Variants in MACROD2 observed in about 807,000 individuals in gnomAD.
MACROD2 encodes mono-ADP ribosylhydrolase 2.
MACROD2 carries 36 observed loss-of-function variants against 70.4 expected under a neutral mutation model. The ratio of observed to expected loss-of-function variants is 0.51; its 90% CI spans 0.39 to 0.68. The LOEUF (loss-of-function observed/expected upper bound fraction) is 0.68. Ranked by LOEUF, MACROD2 falls within the 30% of genes least tolerant of loss-of-function variation. The pLI is 0.00. For synonymous variants in MACROD2, 172 were observed against 178.8 expected, an observed-to-expected ratio of 0.96 and a Z score of 0.30; for missense variants, 496 against 538.4, an observed-to-expected ratio of 0.92 and a Z score of 0.78.
chr20:15,588,476 A>G (rs530496659), intron 8 of MACROD2, among the ~76,000 whole-genome samples: 4 of 151,864 alleles, frequency 2.6e-5, no homozygotes, highest in Admixed American at 6.6e-5. Flanking sequence ...TTTCTCCTCA[A>G]AAAAAATGGG....
intron 8 of MACROD2, among the ~76,000 whole-genome samples, chr20:15,758,539 CTTT>C (rs11337973): frequency 2.8e-5 from 4 of 140,942 alleles, no homozygotes; most frequent in Admixed American, 7.1e-5. Flanking sequence ...TGCACCCAGT[CTTT>C]TTTTTTTTTT....
At chr20:15,838,634 C>T (rs2064138897) in intron 8 of MACROD2, among the ~76,000 whole-genome samples, 1 of 152,166 alleles carries the variant, frequency 6.6e-6, no homozygotes, top group African/African-American at 2.4e-5. Flanking sequence ...TGCTACATCA[C>T]AATGACTGTG....
At chr20:14,907,103 C>G (rs2073968092) in intron 5 of MACROD2, among the ~76,000 whole-genome samples, 1 of 152,176 alleles carries the variant, frequency 6.6e-6, no homozygotes. Flanking sequence ...TGTGCCATGT[C>G]AGCTTACCAT....
At chr20:15,294,048 G>C (rs1189884047) in intron 6 of MACROD2, among the ~76,000 whole-genome samples, 1 of 151,200 alleles carries the variant, frequency 6.6e-6, no homozygotes, top group Admixed American at 6.6e-5. Flanking sequence ...TTGAACACAG[G>C]AGGTGGAGGT....
chr20:14,623,159 G>A (rs1217728904), intron 4 of MACROD2: 1 of 152,108 alleles, frequency 6.6e-6, no homozygotes, highest in Non-Finnish European at 1.5e-5. Flanking sequence ...TGAGACCTGT[G>A]TTACAACTGA....
intron 4 of MACROD2, among the ~76,000 whole-genome samples, chr20:14,649,069 C>T (rs576958651): frequency 6.6e-6 from 1 of 152,316 alleles, no homozygotes; most frequent in South Asian, 2.1e-4. Flanking sequence ...GAGGTCCACA[C>T]TCCTTCACTT....
chr20:15,499,864 A>C lies in MACROD2; in HGVS notation c.645+17A>C. 2 of 1,609,226 alleles carry C rather than the reference A, an allele frequency of 1.2e-6. No individual in the cohort carries two copies. On this transcript the variant is annotated intron_variant, in intron 8 of 17. Coordinates refer to ENST00000684519, the MANE Select transcript of MACROD2 (RefSeq NM_001351661.2). The stretch of plus-strand genomic sequence containing the variant: ...CACCATGAGGTAGGAGGAACGACAT[A>C]ATCAGTGAACATCCAAGATGATGTA...
intron 8 of MACROD2, among the ~76,000 whole-genome samples, chr20:15,504,475 A>T (rs1438669668): frequency 5.3e-5 from 8 of 152,262 alleles, no homozygotes; most frequent in Admixed American, 5.2e-4. Flanking sequence ...TCTTAAAAAA[A>T]CAAAAAAGAA....
chr20:15,603,868 T>G (rs1034022950), intron 8 of MACROD2, among the ~76,000 whole-genome samples: 1 of 151,978 alleles, frequency 6.6e-6, no homozygotes, highest in African/African-American at 2.4e-5. Flanking sequence ...CTGGAAAGAG[T>G]GTCTTTAATT....
At chr20:15,203,479 A>T (rs901270083) in intron 5 of MACROD2, among the ~76,000 whole-genome samples, 1 of 152,128 alleles carries the variant, frequency 6.6e-6, no homozygotes, top group African/African-American at 2.4e-5. Context: ...TTCACATCAG[A>T]TGATAAATTG....
At chr20:14,913,356 G>T (rs1322669868) in intron 5 of MACROD2, among the ~76,000 whole-genome samples, 3 of 151,860 alleles carry the variant, frequency 2.0e-5, no homozygotes, top group Admixed American at 2.0e-4. Flanking sequence ...AAAGTTTTCC[G>T]ATATCCTTAT....
chr20:15,917,611 G>A (rs2065338507), intron 10 of MACROD2, among the ~76,000 whole-genome samples: 1 of 152,140 alleles, frequency 6.6e-6, no homozygotes, highest in African/African-American at 2.4e-5. Flanking sequence ...TAGAACGTCA[G>A]CATGCCTCGT....
chr20:14,829,836 A>C (rs188784691), intron 5 of MACROD2, among the ~76,000 whole-genome samples: 1 of 152,288 alleles, frequency 6.6e-6, no homozygotes, highest in East Asian at 1.9e-4. Flanking sequence ...CAGACAAAAT[A>C]TCTTTGGTTC....
chr20:15,881,053 C>T (rs1448207402), intron 9 of MACROD2, among the ~76,000 whole-genome samples: 1 of 152,018 alleles, frequency 6.6e-6, no homozygotes, highest in African/African-American at 2.4e-5. Context: ...TTTTCTATAT[C>T]GTCCACTTTG....
chr20:14,331,509 A>G (rs1412476184), intron 3 of MACROD2, among the ~76,000 whole-genome samples: 1 of 152,066 alleles, frequency 6.6e-6, no homozygotes, highest in Non-Finnish European at 1.5e-5. Flanking sequence ...TCTTCTCCCC[A>G]CATTGTATTA....
chr20:14,909,090 T>C (rs924909886), intron 5 of MACROD2, among the ~76,000 whole-genome samples: 3 of 152,084 alleles, frequency 2.0e-5, no homozygotes, highest in Non-Finnish European at 2.9e-5. Context: ...GATTTAATAG[T>C]GTGAGGGGAT....
chr20:14,640,142 G>A (rs1190242414), intron 4 of MACROD2, among the ~76,000 whole-genome samples: 1 of 152,118 alleles, frequency 6.6e-6, no homozygotes, highest in Admixed American at 6.5e-5. Context: ...TCACGATTTT[G>A]AAAAATGTGA....
At chr20:15,876,604 T>C (rs1450798149) in intron 9 of MACROD2, among the ~76,000 whole-genome samples, 1 of 152,146 alleles carries the variant, frequency 6.6e-6, no homozygotes, top group Non-Finnish European at 1.5e-5. Context: ...AGCAGCATGA[T>C]TTATATTCCT....
intron 5 of MACROD2, among the ~76,000 whole-genome samples, chr20:15,057,849 T>G (rs2075499066): frequency 2.0e-5 from 3 of 152,020 alleles, no homozygotes; most frequent in Admixed American, 2.0e-4. Flanking sequence ...CAGAATGTTC[T>G]TTTTTTTGAT....
Sources: allele counts gnomAD v4.1 joint callset (sites outside exome capture counted in the v4.1 genomes callset), GRCh38; gene constraint gnomAD v4.1.1; transcripts MANE v1.5; gene names NCBI Gene and HGNC (gene_info 2026-07-23, HGNC 2026-07-21).